Variants in BCLAF3 observed in about 807,000 individuals in gnomAD.
BCLAF3 encodes the protein transient octamer binding factor 1.
BCLAF3 carries 24 observed loss-of-function variants against 51.2 expected under a neutral mutation model. The observed-to-expected ratio is 0.47, with a 90% confidence interval of 0.34 to 0.66. The LOEUF (loss-of-function observed/expected upper bound fraction) is 0.66. BCLAF3 is among the 30% of genes least tolerant of loss of function. The pLI is 0.01. For missense variants in BCLAF3, 465 were observed against 525.1 expected (o/e 0.89, Z 1.12); for synonymous variants, 152 against 176.6 (o/e 0.86, Z 1.10).
Position 19,916,481 on chromosome X carries a change from T to C in BCLAF3, c.*824A>G, listed in dbSNP as rs1425919737. 8.9e-6 allele frequency: 1 copy of C among 112,587 alleles called. No individual in the cohort carries two copies. Among genetic ancestry groups the C allele is most frequent in the Non-Finnish European group, 1.9e-5 (1 of 53,251 alleles). The allele number at this position is 112,587 out of a possible 1,213,427, so 9.3% of individuals were successfully genotyped here. On this transcript the variant is annotated 3_prime_UTR_variant, in exon 12 of 12. Transcript: ENST00000379682. The stretch of plus-strand genomic sequence containing the variant: ...AAGTAAACACTCTATAAGATGTGCT[T>C]GCAAAATGTGTAATGCTGTAGTAGT...
intron 5 of BCLAF3, among the ~76,000 whole-genome samples, chrX:19,955,037 T>C (rs370423504): frequency 8.9e-6 from 1 of 111,805 alleles, no homozygotes; most frequent in East Asian, 2.8e-4. Context: ...GGCTTCCTGA[T>C]TTCTTGAGTT....
At chrX:19,949,670 T>A (rs1327062080) in intron 8 of BCLAF3, among the ~76,000 whole-genome samples, 1 of 112,561 alleles carries the variant, frequency 8.9e-6, no homozygotes, top group Admixed American at 9.4e-5. Flanking sequence ...TCACTATGTT[T>A]TAATTAGTTC....
At chrX:19,950,674 T>G (rs2071448337) in intron 8 of BCLAF3, 79 bp downstream of exon 8, 3 of 679,432 alleles carry the variant, frequency 4.4e-6, no homozygotes, top group South Asian at 3.0e-5. Flanking sequence ...AAATGAAAAT[T>G]ATCATCACAC....
intron 1 of BCLAF3, among the ~76,000 whole-genome samples, chrX:19,986,916 G>C (rs1265153877): frequency 2.8e-5 from 3 of 107,511 alleles, no homozygotes; most frequent in Non-Finnish European, 5.8e-5. Flanking sequence ...TGATCCTCTC[G>C]CTTCAGTCTT....
rs762347040 is a variant in BCLAF3 at position 19,959,221 on chromosome X, C to A, written c.1275-3655G>T. Among the ~76,000 whole-genome samples the A allele has an allele frequency of 2.7e-5, 3 of 111,850 alleles. No individual in the cohort carries two copies. In the East Asian group the frequency reaches 8.4e-4, roughly 31 times the overall value. ...ATACACCAGCCTTTGAAGCCTAGCT[C>A]ACATGTCAACTACATGATGCCTCTC... is the stretch of plus-strand genomic sequence containing the variant. On this transcript the variant is annotated intron_variant, in intron 4 of 11. Transcript: ENST00000379682.
intron 4 of BCLAF3, among the ~76,000 whole-genome samples, chrX:19,962,818 C>T (rs1427471271): frequency 3.6e-5 from 4 of 111,809 alleles, no homozygotes; most frequent in Non-Finnish European, 1.9e-5. Context: ...GGTATGGTGG[C>T]TCATGCCTGT....
intron 9 of BCLAF3, among the ~76,000 whole-genome samples, chrX:19,936,556 C>T (rs967634230): frequency 1.1e-4 from 12 of 111,732 alleles, no homozygotes; most frequent in Non-Finnish European, 2.1e-4. Flanking sequence ...TACTAGGCAA[C>T]TGCTGACATG....
At chrX:19,923,762 G>A (rs760344923) in intron 11 of BCLAF3, among the ~76,000 whole-genome samples, 1 of 111,068 alleles carries the variant, frequency 9.0e-6, no homozygotes, top group African/African-American at 3.3e-5. Flanking sequence ...TTTTGTGTCT[G>A]GCTTCTGTCA....
chrX:19,920,513 A>G (rs997193462), intron 11 of BCLAF3, among the ~76,000 whole-genome samples: 7 of 111,374 alleles, frequency 6.3e-5, no homozygotes, highest in Admixed American at 2.9e-4. Flanking sequence ...ATGAAAGGTA[A>G]TAAGGTAAGA....
At chrX:19,986,904 A>G (rs1208257382) in intron 1 of BCLAF3, among the ~76,000 whole-genome samples, 9 of 108,215 alleles carry the variant, frequency 8.3e-5, no homozygotes, top group African/African-American at 3.0e-4. Flanking sequence ...CCTGGGCTCA[A>G]GTGATCCTCT....
intron 2 of BCLAF3, among the ~76,000 whole-genome samples, chrX:19,967,400 G>C (rs996732717): frequency 8.9e-6 from 1 of 111,872 alleles, no homozygotes; most frequent in East Asian, 2.8e-4. Flanking sequence ...TTCGAACAGA[G>C]CTTGTAACTT....
intron 11 of BCLAF3, among the ~76,000 whole-genome samples, chrX:19,923,851 T>A (rs765834211): frequency 0.016 from 1,706 of 108,911 alleles, 10 homozygotes; most frequent in Middle Eastern, 0.019. Context: ...ATTTATTTTT[T>A]TTTTTTTTGA....
chrX:19,976,113 A>C (rs967122964), intron 1 of BCLAF3, among the ~76,000 whole-genome samples: 7 of 111,526 alleles, frequency 6.3e-5, no homozygotes, highest in Admixed American at 5.8e-4. Flanking sequence ...CCAACAGCCC[A>C]CTGGATTCTG....
rs779527490 is a variant in BCLAF3 at position 19,965,136 on chromosome X, T to C, written c.1182A>G (p.Gln394=). The change falls in exon 4 of 12, where the codon CAA becomes CAG. Residue 394 remains glutamine, a synonymous_variant. Coordinates refer to ENST00000379682, the MANE Select transcript of BCLAF3 (RefSeq NM_001367774.2). ...NSSSNQLDKS[Q]KLPDVKPSPI... is the part of the protein sequence containing the mutation. ...GCGAGGGTTTCACATCAGGAAGTTT[T>C]TGACTTTTATCAAGTTGGTTACTGG... 1 of 1,204,333 alleles carries C rather than the reference T, an allele frequency of 8.3e-7. No homozygotes were observed. Among genetic ancestry groups the C allele is most frequent in the Non-Finnish European group, 1.1e-6 (1 of 893,668 alleles).
chrX:19,964,912 T>TG (rs1466881466), intron 4 of BCLAF3, 132 bp downstream of exon 4: 10 of 521,790 alleles, frequency 1.9e-5, no homozygotes, highest in East Asian at 4.2e-5. Context: ...GCTTTTTTTT[T>TG]GGGGGGGAAA....
intron 1 of BCLAF3, among the ~76,000 whole-genome samples, chrX:19,980,696 G>A (rs1247393698): frequency 9.0e-6 from 1 of 111,600 alleles, no homozygotes; most frequent in Non-Finnish European, 1.9e-5. Flanking sequence ...CCAGCACTTT[G>A]GGAGGCTGAG....
At chrX:19,988,210 G>A (rs73445212) in intron 1 of BCLAF3, among the ~76,000 whole-genome samples, 7,592 of 111,737 alleles carry the variant, frequency 0.068, 603 homozygotes, top group African/African-American at 0.23. Context: ...TTTATTTAGC[G>A]TTATACCTGT....
At chrX:19,926,537 T>C (rs1310930530) in intron 11 of BCLAF3, among the ~76,000 whole-genome samples, 3 of 111,288 alleles carry the variant, frequency 2.7e-5, no homozygotes. Context: ...ATCCAAGATA[T>C]ATAGAAACTA....
rs377150095 is a variant in BCLAF3 at position 19,965,736 on chromosome X, C to A, written c.612-30G>T. 6.4e-6 allele frequency: 7 copies of A among 1,096,405 alleles called. No homozygotes were observed. The African/African-American group carries it at 1.3e-4, about 20-fold the overall frequency. The allele number at this position is 1,096,405 out of a possible 1,213,427, so 90.4% of individuals were successfully genotyped here. ...GTTGACATAAAGCAGTTTACACTTGCAATAGAGAGAAGAAAGGGAGAATTT... is the reference window on the plus strand; with the variant it reads ...GTTGACATAAAGCAGTTTACACTTGAAATAGAGAGAAGAAAGGGAGAATTT... On this transcript the variant is annotated intron_variant, in intron 3 of 11. Transcript: ENST00000379682.
Sources: allele counts gnomAD v4.1 joint callset (sites outside exome capture counted in the v4.1 genomes callset), GRCh38; gene constraint gnomAD v4.1.1; transcripts MANE v1.5; gene names NCBI Gene and HGNC (gene_info 2026-07-23, HGNC 2026-07-21).